UGT2A1: variants seen among roughly 807,000 people sequenced by gnomAD.
The protein encoded by UGT2A1 is UDP-glucuronosyltransferase 2A1.
In UGT2A1, 61 loss-of-function variants were observed where a neutral mutation model predicts 45.4. That is an observed-to-expected ratio of 1.34 (90% confidence interval 1.09 to 1.66). The LOEUF (loss-of-function observed/expected upper bound fraction) is 1.66, where lower values mean the gene tolerates loss of function less well. Among genes scored for constraint, UGT2A1 ranks in the 40% most tolerant of loss-of-function variants. The probability of loss-of-function intolerance (pLI) is 0.00; values close to 1 mark genes in which losing one functional copy is unlikely to be tolerated. For missense variants in UGT2A1, 649 were observed against 574.3 expected (o/e 1.13, Z -1.33); for synonymous variants, 229 against 196.2 (o/e 1.17, Z -1.40).
chr4:69,614,060 A>G (rs560474958), intron 3 of UGT2A1, among the ~76,000 whole-genome samples: 52 of 152,064 alleles, frequency 3.4e-4, no homozygotes, highest in African/African-American at 1.3e-3. Flanking sequence ...AAAAAATATG[A>G]TCTTGTATCT....
rs560689473 is a variant in UGT2A1, at chr4:69,609,602, C to A, written c.848-10208G>T. On this transcript the variant is annotated intron_variant, in intron 3 of 6. Coordinates refer to ENST00000286604, the MANE Select transcript of UGT2A1 (RefSeq NM_001252275.3). ...TTGCAGAACAATGGGAAATATAACA[C>A]CCTACTCGTGAAAGTATAAACTAGT... Among the ~76,000 whole-genome samples the A allele has an allele frequency of 6.8e-4, 103 of 152,202 alleles. 1 individual carries two copies. Among genetic ancestry groups the A allele is most frequent in the African/African-American group, 2.2e-3 (91 of 41,532 alleles).
chr4:69,629,929 A>G (rs1721292903), intron 3 of UGT2A1, among the ~76,000 whole-genome samples: 1 of 152,088 alleles, frequency 6.6e-6, no homozygotes, highest in Non-Finnish European at 1.5e-5. Context: ...CAAAATGTAT[A>G]TTATCATTGC....
intron 3 of UGT2A1, among the ~76,000 whole-genome samples, chr4:69,617,000 A>C (rs2109928641): frequency 6.6e-6 from 1 of 151,942 alleles, no homozygotes; most frequent in African/African-American, 2.4e-5. Context: ...ATGTAGGTGA[A>C]TGAGAAATAT....
chr4:69,639,252 A>G (rs775399375), intron 2 of UGT2A1: 20 of 1,613,562 alleles, frequency 1.2e-5, no homozygotes, highest in Non-Finnish European at 1.7e-5. Flanking sequence ...TTGTATGTTA[A>G]TTTGAAAGAA....
At chr4:69,596,387 T>C in intron 4 of UGT2A1, 1 of 1,570,598 alleles carries the variant, frequency 6.4e-7, no homozygotes, top group Non-Finnish European at 8.6e-7. Flanking sequence ...ATTTCCTGCA[T>C]ACATAATATA....
In UGT2A1 at chr4:69,604,014, C is replaced by A. The variant is rs905559862; in HGVS notation, c.848-4620G>T. 1.1e-4 allele frequency among the ~76,000 whole-genome samples: 15 copies of A among 136,668 alleles called. 6 individuals are homozygous for A. Among genetic ancestry groups the A allele is most frequent in the African/African-American group, 4.5e-4 (15 of 33,696 alleles). 89.7% of individuals were successfully genotyped at this position (136,668 alleles called of 152,430 possible). A position where few individuals can be genotyped will look rare whatever the true frequency, so the allele number is the denominator to read the frequency against. ...CTCTGCAGGATATTATCCAGTAGAA[C>A]CTCCCCAGTCTAGCAAGGAAGGCCA... On this transcript the variant is annotated intron_variant, in intron 3 of 6. Coordinates refer to ENST00000286604, the MANE Select transcript of UGT2A1 (RefSeq NM_001252275.3).
rs771080532 is a variant in UGT2A1, at chr4:69,594,551, A to G, written c.1230T>C (p.Ala410=). Residue 410 remains alanine, a synonymous_variant, in exon 6 of 7, where the codon GCT becomes GCC. Coordinates refer to ENST00000286604, the MANE Select transcript of UGT2A1 (RefSeq NM_001252275.3). ...NIAHMKAKGA[A]VEVNLNTMTS... ...TCATTGTGTTTAGGTTCACTTCCAC[A>G]GCTGCTCCTTTGGCCTTCATGTGAG... 1 of 1,614,190 alleles carries G rather than the reference A, an allele frequency of 6.2e-7. No individual in the cohort carries two copies. The highest frequency in any genetic ancestry group is 8.5e-7 in the Non-Finnish European group (1 of 1,180,044).
intron 3 of UGT2A1, among the ~76,000 whole-genome samples, chr4:69,608,741 G>T (rs1719840596): frequency 6.6e-6 from 1 of 152,018 alleles, no homozygotes; most frequent in South Asian, 2.1e-4. Flanking sequence ...TGTTGCCCAG[G>T]CTGGAGTGCA....
At chr4:69,591,792 T>TGTAC (rs1491432366) in intron 6 of UGT2A1, among the ~76,000 whole-genome samples, 1 of 152,130 alleles carries the variant, frequency 6.6e-6, no homozygotes, top group African/African-American at 2.4e-5. Flanking sequence ...AATCACAGAC[T>TGTAC]GTACCTACAC....
intron 6 of UGT2A1, among the ~76,000 whole-genome samples, chr4:69,592,594 C>A (rs1347550207): frequency 6.6e-6 from 1 of 152,008 alleles, no homozygotes; most frequent in Non-Finnish European, 1.5e-5. Context: ...TTAGAAACAG[C>A]AAGCAATGCT....
At chr4:69,594,341 TA>T in intron 6 of UGT2A1, 135 bp downstream of exon 6, 1 of 1,215,426 alleles carries the variant, frequency 8.2e-7, no homozygotes, top group Non-Finnish European at 1.1e-6. Context: ...GTTTGGCAAA[TA>T]AAATAGTTTT....
chr4:69,588,947 G>T lies in UGT2A1; in HGVS notation c.*425C>A, dbSNP rs1177996843. ...CTACGGTGGCTCCCTGATTTGTTTG[G>T]TATATGGAAATTTGTGAATTTGACT... is the stretch of plus-strand genomic sequence containing the variant. On this transcript the variant is annotated 3_prime_UTR_variant, in exon 7 of 7. Transcript: ENST00000286604. The T allele has an allele frequency of 1.9e-5, 3 of 154,448 alleles. No homozygotes were observed. The highest frequency in any genetic ancestry group is 7.2e-5 in the African/African-American group (3 of 41,404). The allele number at this position is 154,448 out of a possible 1,614,324, so 9.6% of individuals were successfully genotyped here. A position where few individuals can be genotyped will look rare whatever the true frequency, so the allele number is the denominator to read the frequency against.
At chr4:69,636,754 A>G (rs1404728795) in intron 2 of UGT2A1, among the ~76,000 whole-genome samples, 1 of 152,142 alleles carries the variant, frequency 6.6e-6, no homozygotes, top group East Asian at 1.9e-4. Flanking sequence ...TGTAAATAAC[A>G]TTTAATATAA....
intron 3 of UGT2A1, among the ~76,000 whole-genome samples, chr4:69,628,253 A>T (rs1560487231): frequency 1.3e-5 from 2 of 150,202 alleles, no homozygotes; most frequent in African/African-American, 4.9e-5. Context: ...AAGAAATAGA[A>T]AAAACAAAAC....
chr4:69,647,480 G>A lies in UGT2A1; in HGVS notation c.165C>T (p.Ala55=). The change falls in exon 2 of 7, where the codon GCC becomes GCT. Residue 55 remains alanine (A), a synonymous_variant. Transcript: ENST00000286604. The part of the protein sequence containing the change: ...KKEHNVTVLV[A]SGALFITPTS... ...TTGGTGTGATGAAAAGTGCACCAGA[G>A]GCAACTAGGACAGTCACATTATGCT... The A allele has an allele frequency of 6.2e-7, 1 of 1,613,032 alleles. No homozygotes were observed. Among genetic ancestry groups the A allele is most frequent in the Non-Finnish European group, 8.5e-7 (1 of 1,179,364 alleles).
chr4:69,640,634 T>A lies in UGT2A1; in HGVS notation c.716-4812A>T, dbSNP rs531121999. Among the ~76,000 whole-genome samples, 325 of 151,876 alleles carry A rather than the reference T, an allele frequency of 2.1e-3. 1 individual carries two copies. Among genetic ancestry groups the A allele is most frequent in the Middle Eastern group, 6.8e-3 (2 of 292 alleles). Reference sequence around the variant, plus strand: ...TGATTAAAAGGATAAAAATCAAAAATTAAGATTAGAAAATAAGTGACAGAT... The same window carrying A: ...TGATTAAAAGGATAAAAATCAAAAAATAAGATTAGAAAATAAGTGACAGAT... On this transcript the variant is annotated intron_variant, in intron 2 of 6. Coordinates refer to ENST00000286604, the MANE Select transcript of UGT2A1 (RefSeq NM_001252275.3).
intron 3 of UGT2A1, among the ~76,000 whole-genome samples, chr4:69,630,274 T>C (rs2109953963): frequency 6.6e-6 from 1 of 152,194 alleles, no homozygotes; most frequent in East Asian, 1.9e-4. Context: ...TTGACGTAGT[T>C]GGAGTGAGGC....
At chr4:69,618,379 A>G (rs1720543027) in intron 3 of UGT2A1, among the ~76,000 whole-genome samples, 1 of 151,888 alleles carries the variant, frequency 6.6e-6, no homozygotes, top group Non-Finnish European at 1.5e-5. Context: ...GGGAGATTCC[A>G]CTACAGGTTG....
intron 3 of UGT2A1, among the ~76,000 whole-genome samples, chr4:69,618,748 T>C (rs980716740): frequency 3.3e-5 from 5 of 151,984 alleles, no homozygotes; most frequent in African/African-American, 1.2e-4. Flanking sequence ...TAGAAAAGCC[T>C]TAAGTATACT....
Sources: gnomAD v4.1 joint callset for allele counts (sites outside exome capture counted in the v4.1 genomes callset) on GRCh38, gnomAD v4.1.1 for gene constraint, MANE v1.5 for transcripts, NCBI Gene and HGNC (gene_info 2026-07-23, HGNC 2026-07-21) for gene names.